The following XPR1 variants were observed in gnomAD, a reference collection of about 807,000 sequenced individuals.
XPR1 encodes the protein solute carrier family 53 member 1.
Under a neutral mutation model 87.5 loss-of-function variants are expected in XPR1, and 28 were observed. That is an observed-to-expected ratio of 0.32 (90% CI 0.24 to 0.44). XPR1 has a LOEUF of 0.44. XPR1 is among the 20% of genes least tolerant of loss of function. XPR1 has a pLI of 1.00. For missense variants in XPR1, 559 were observed against 862.3 expected (o/e 0.65, Z 4.41); for synonymous variants, 300 against 306.1 (o/e 0.98, Z 0.21).
intron 2 of XPR1, among the ~76,000 whole-genome samples, chr1:180,759,185 C>T (rs972202321): frequency 8.6e-5 from 13 of 151,856 alleles, no homozygotes; most frequent in African/African-American, 2.9e-4. Context: ...AAATTGACAC[C>T]CTAACATCAC....
chr1:180,713,957 T>A (rs1657894667), intron 2 of XPR1, among the ~76,000 whole-genome samples: 1 of 152,246 alleles, frequency 6.6e-6, no homozygotes, highest in South Asian at 2.1e-4. Context: ...GTATTATTCT[T>A]TTTAACTGTT....
intron 1 of XPR1, among the ~76,000 whole-genome samples, chr1:180,637,381 C>CAT (rs1177265853): frequency 1.3e-5 from 2 of 152,030 alleles, no homozygotes; most frequent in Admixed American, 1.3e-4. Flanking sequence ...GTAAAGATTC[C>CAT]ATAACAGTAA....
chr1:180,642,120 A>G (rs1263348589), intron 1 of XPR1, among the ~76,000 whole-genome samples: 44 of 152,230 alleles, frequency 2.9e-4, no homozygotes, highest in Non-Finnish European at 1.5e-5. Context: ...TGCCCTATTT[A>G]GTTATGGTCA....
chr1:180,813,044 C>G (rs957513360), intron 7 of XPR1, among the ~76,000 whole-genome samples: 1 of 143,774 alleles, frequency 7.0e-6, no homozygotes. Flanking sequence ...CTTTTTTCCC[C>G]CCCCCCAATG....
chr1:180,806,815 A>G, intron 6 of XPR1, among the ~76,000 whole-genome samples: 1 of 152,144 alleles, frequency 6.6e-6, no homozygotes, highest in Non-Finnish European at 1.5e-5. Flanking sequence ...TCATCAAATG[A>G]TTAAGATGTG....
Position 180,824,930 on chromosome 1 carries a change from A to T in XPR1, c.941A>T (p.Gln314Leu). Residue 314 changes from glutamine (Q) to leucine (L), a missense_variant, in exon 8 of 15, where the codon CAA becomes CTA. Gln to Leu is a moderately radical substitution (Grantham distance 113, BLOSUM62 -2). Around this residue, in one of 7 missense-constraint regions of XPR1, gnomAD observed 264 missense variants for 377.2 expected, o/e 0.70. Transcript: ENST00000367590. ...ELNPRSNLSH[Q>L]HLFEIAGFLG... ...AATCCGAGAAGCAATTTGTCTCATC[A>T]ACATCTCTTTGAGGTAATCAAAGCA... The T allele has an allele frequency of 6.2e-7, 1 of 1,613,804 alleles. No homozygotes were observed. Among genetic ancestry groups the T allele is most frequent in the Non-Finnish European group, 8.5e-7 (1 of 1,179,930 alleles).
chr1:180,709,319 A>G (rs1181352700), intron 2 of XPR1, among the ~76,000 whole-genome samples: 2 of 152,222 alleles, frequency 1.3e-5, no homozygotes, highest in African/African-American at 2.4e-5. Flanking sequence ...TAAACTGTAT[A>G]TATTTAAAGT....
chr1:180,713,958 T>C (rs1657894742), intron 2 of XPR1, among the ~76,000 whole-genome samples: 1 of 152,158 alleles, frequency 6.6e-6, no homozygotes, highest in Admixed American at 6.5e-5. Context: ...TATTATTCTT[T>C]TTAACTGTTT....
intron 2 of XPR1, among the ~76,000 whole-genome samples, chr1:180,759,385 A>T (rs1431966090): frequency 1.3e-5 from 2 of 152,234 alleles, no homozygotes; most frequent in African/African-American, 4.8e-5. Flanking sequence ...AATAAAGAAG[A>T]AAAGAGAGAA....
Position 180,878,699 on chromosome 1 carries a change from C to T in XPR1, c.1809-1377C>T, listed in dbSNP as rs140558961. Among the ~76,000 whole-genome samples the T allele has an allele frequency of 1.1e-4, 16 of 152,276 alleles. No individual in the cohort carries two copies. In the East Asian group the frequency reaches 3.1e-3, roughly 29 times the overall value. On this transcript the variant is annotated intron_variant, in intron 13 of 14. Transcript: ENST00000367590. The stretch of plus-strand genomic sequence containing the variant: ...GAGCCTGTGCTTTTAGATCGTACTG[C>T]CCATTTTGCTAAATCCCCTTGTCAG...
At chr1:180,640,481 A>G (rs1654929545) in intron 1 of XPR1, among the ~76,000 whole-genome samples, 1 of 152,258 alleles carries the variant, frequency 6.6e-6, no homozygotes. Context: ...CTTAATTTCT[A>G]TGGCGTACTG....
rs1421152222 is a variant in XPR1, at chr1:180,662,364, T to G, written c.70-19996T>G. Among the ~76,000 whole-genome samples the G allele has an allele frequency of 2.0e-5, 3 of 152,342 alleles. No individual in the cohort carries two copies. The East Asian group carries it at 5.8e-4, about 29-fold the overall frequency. On this transcript the variant is annotated intron_variant, in intron 1 of 14. Transcript: ENST00000367590. ...ATTTGACCGGAAAAGGCTTTATTTC[T>G]TCTTCATATTTGAAGGATATTTTTG...
At chr1:180,671,167 T>C (rs1030384667) in intron 1 of XPR1, among the ~76,000 whole-genome samples, 2 of 152,222 alleles carry the variant, frequency 1.3e-5, no homozygotes, top group Non-Finnish European at 2.9e-5. Flanking sequence ...CTTTGTGTTT[T>C]AGAGGCCAGC....
intron 11 of XPR1, among the ~76,000 whole-genome samples, chr1:180,848,448 G>A (rs915951070): frequency 2.6e-5 from 4 of 152,082 alleles, no homozygotes; most frequent in African/African-American, 9.7e-5. Flanking sequence ...TTCACATAAT[G>A]TAATGTACTC....
At chr1:180,659,815 C>T (rs928265954) in intron 1 of XPR1, among the ~76,000 whole-genome samples, 8 of 151,968 alleles carry the variant, frequency 5.3e-5, no homozygotes, top group Non-Finnish European at 1.2e-4. Flanking sequence ...CCACGCCCAG[C>T]CTAGTTTTCT....
At chr1:180,659,397 T>TTCCG (rs1655679661) in intron 1 of XPR1, among the ~76,000 whole-genome samples, 1 of 83,480 alleles carries the variant, frequency 1.2e-5, no homozygotes, top group Non-Finnish European at 2.2e-5. Context: ...CCTTCCTTCC[T>TTCCG]TCCTTCCTTC....
intron 2 of XPR1, among the ~76,000 whole-genome samples, chr1:180,774,941 CTTG>C (rs900890789): frequency 3.9e-5 from 6 of 152,178 alleles, no homozygotes; most frequent in East Asian, 3.9e-4. Flanking sequence ...AAGATGGCAT[CTTG>C]TTGTTGTGTC....
At chr1:180,747,220 A>T (rs945036459) in intron 2 of XPR1, among the ~76,000 whole-genome samples, 13 of 152,308 alleles carry the variant, frequency 8.5e-5, no homozygotes, top group African/African-American at 3.1e-4. Flanking sequence ...TACATTTTTT[A>T]AAAAGAATAC....
At position 180,879,905 on chromosome 1, in the gene XPR1, A is replaced by AC. The variant is rs567044317; in HGVS notation, c.1809-164dup. On this transcript the variant is annotated intron_variant, in intron 13 of 14. Transcript: ENST00000367590. ...TTCATAGTCTAGTCTTGTTTCCCTT[A>AC]CCCCCCCACCACCACCTCCCCGCAA... Among the ~76,000 whole-genome samples the AC allele has an allele frequency of 1.5e-3, 219 of 150,054 alleles. 2 individuals are homozygous for AC. Among genetic ancestry groups the AC allele is most frequent in the African/African-American group, 3.9e-3 (159 of 40,748 alleles).
Sources: gnomAD v4.1 joint callset for allele counts (sites outside exome capture counted in the v4.1 genomes callset) on GRCh38, gnomAD v4.1.1 for gene constraint, gnomAD v4.1.1 regional missense constraint, MANE v1.5 for transcripts, NCBI Gene and HGNC (gene_info 2026-07-23, HGNC 2026-07-21) for gene names.